HDAC9: variants seen among roughly 807,000 people sequenced by gnomAD.
The protein encoded by HDAC9 is MEF-2 interacting transcription repressor (MITR) protein.
A neutral mutation model predicts 139.4 loss-of-function variants in HDAC9; 41 were observed. The observed-to-expected ratio is 0.29, with a 90% CI of 0.23 to 0.38. The LOEUF is 0.38. Ranked by LOEUF, HDAC9 falls within the 10% of genes least tolerant of loss-of-function variation. The probability of loss-of-function intolerance (pLI) is 1.00; values close to 1 mark genes in which losing one functional copy is unlikely to be tolerated. For missense variants in HDAC9, 1,147 were observed against 1,297.0 expected, an observed-to-expected ratio of 0.88 and a Z score of 1.78; for synonymous variants, 517 against 476.2, an observed-to-expected ratio of 1.09 and a Z score of -1.12.
intron 24 of HDAC9, among the ~76,000 whole-genome samples, chr7:18,973,381 G>A (rs1377600620): frequency 1.3e-5 from 2 of 152,078 alleles, no homozygotes; most frequent in Admixed American, 6.6e-5. Context: ...CTAAAATAAC[G>A]TTTAATAATA....
intron 1 of HDAC9, among the ~76,000 whole-genome samples, chr7:18,443,804 G>T (rs191127744): frequency 2.7e-4 from 41 of 150,872 alleles, no homozygotes; most frequent in Non-Finnish European, 4.9e-4. Flanking sequence ...GTGTGTGTGT[G>T]TATATATATA....
chr7:18,515,695 A>G (rs1466508615), intron 2 of HDAC9, among the ~76,000 whole-genome samples: 1 of 152,256 alleles, frequency 6.6e-6, no homozygotes, highest in Admixed American at 6.5e-5. Flanking sequence ...AAATAAAAAT[A>G]CAATCCCTGA....
chr7:18,544,494 T>A (rs554481371), intron 2 of HDAC9, among the ~76,000 whole-genome samples: 3 of 152,270 alleles, frequency 2.0e-5, no homozygotes, highest in African/African-American at 7.2e-5. Context: ...AACAGAGATA[T>A]GTATTTGGGC....
intron 2 of HDAC9, among the ~76,000 whole-genome samples, chr7:18,174,940 C>A (rs540364983): frequency 2.6e-5 from 4 of 152,194 alleles, no homozygotes; most frequent in Non-Finnish European, 5.9e-5. Flanking sequence ...GCAGTCTGTC[C>A]GTTCTCCAAT....
intron 6 of HDAC9, among the ~76,000 whole-genome samples, chr7:18,610,022 A>G (rs1242644225): frequency 6.6e-6 from 1 of 152,120 alleles, no homozygotes; most frequent in Non-Finnish European, 1.5e-5. Flanking sequence ...AACTAGAAAT[A>G]CCATTTGACC....
intron 1 of HDAC9, among the ~76,000 whole-genome samples, chr7:18,408,471 A>T (rs1440595061): frequency 6.6e-6 from 1 of 152,212 alleles, no homozygotes; most frequent in Non-Finnish European, 1.5e-5. Flanking sequence ...TTTCCTTCTT[A>T]GGAGGCTAGT....
chr7:18,470,073 C>G (rs751389803), intron 1 of HDAC9, among the ~76,000 whole-genome samples: 2 of 152,080 alleles, frequency 1.3e-5, no homozygotes, highest in Non-Finnish European at 2.9e-5. Context: ...CATGGTGGCT[C>G]TCACTTGTAA....
At chr7:18,800,910 G>T (rs376891523) in intron 17 of HDAC9, among the ~76,000 whole-genome samples, 2 of 152,122 alleles carry the variant, frequency 1.3e-5, no homozygotes, top group East Asian at 3.9e-4. Flanking sequence ...TTTTTGAAAA[G>T]AATTTTAGTG....
At chr7:18,600,577 C>G (rs894376870) in intron 6 of HDAC9, among the ~76,000 whole-genome samples, 16 of 152,148 alleles carry the variant, frequency 1.1e-4, no homozygotes, top group African/African-American at 3.9e-4. Context: ...GCTCCTTTGT[C>G]AAAGATATAT....
intron 1 of HDAC9, among the ~76,000 whole-genome samples, chr7:18,446,856 C>T (rs946737333): frequency 6.6e-6 from 1 of 152,068 alleles, no homozygotes; most frequent in African/African-American, 2.4e-5. Flanking sequence ...TGTACATTAT[C>T]CACAATGTAA....
intron 12 of HDAC9, among the ~76,000 whole-genome samples, chr7:18,715,581 A>G (rs3852248): frequency 0.07 from 10,682 of 152,138 alleles, 1,188 homozygotes; most frequent in African/African-American, 0.24. Flanking sequence ...GTTTTCTTGG[A>G]ATGAGAGGGT....
intron 2 of HDAC9, among the ~76,000 whole-genome samples, chr7:18,561,243 C>G (rs1038473015): frequency 6.6e-6 from 1 of 152,126 alleles, no homozygotes; most frequent in Admixed American, 6.5e-5. Flanking sequence ...TTAAATGTAA[C>G]CTGAACGGCT....
At chr7:18,162,222 G>A (rs1299604673) in intron 1 of HDAC9, 2 of 972,930 alleles carry the variant, frequency 2.1e-6, no homozygotes, top group African/African-American at 1.6e-5. Flanking sequence ...TTTTTCTTAT[G>A]TTCTAGGTTT....
At chr7:18,711,000 T>C (rs986597082) in intron 12 of HDAC9, among the ~76,000 whole-genome samples, 4 of 152,224 alleles carry the variant, frequency 2.6e-5, no homozygotes, top group Non-Finnish European at 4.4e-5. Flanking sequence ...GATTTACTCA[T>C]CTTCTGAATA....
intron 1 of HDAC9, among the ~76,000 whole-genome samples, chr7:18,101,834 C>T (rs1782879234): frequency 6.6e-6 from 1 of 152,028 alleles, no homozygotes; most frequent in Non-Finnish European, 1.5e-5. Flanking sequence ...ATAAAAGATG[C>T]CACTATGGGA....
At chr7:18,547,361 G>T (rs990582939) in intron 2 of HDAC9, among the ~76,000 whole-genome samples, 1 of 152,028 alleles carries the variant, frequency 6.6e-6, no homozygotes, top group African/African-American at 2.4e-5. Context: ...TCAGCCTCCC[G>T]AGTAGCTGGG....
chr7:18,940,441 T>C (rs1035978892), intron 23 of HDAC9, among the ~76,000 whole-genome samples: 67 of 152,178 alleles, frequency 4.4e-4, no homozygotes, highest in African/African-American at 1.5e-3. Context: ...TTTTTTCTTT[T>C]TCTTGGCAAA....
intron 2 of HDAC9, among the ~76,000 whole-genome samples, chr7:18,170,238 A>G (rs905625982): frequency 3.9e-5 from 6 of 152,008 alleles, no homozygotes; most frequent in African/African-American, 1.2e-4. Flanking sequence ...TCGTGTGTCT[A>G]TTGGCTTCAT....
intron 12 of HDAC9, among the ~76,000 whole-genome samples, chr7:18,678,503 T>C (rs909315443): frequency 2.6e-5 from 4 of 151,866 alleles, no homozygotes; most frequent in African/African-American, 9.7e-5. Flanking sequence ...CAAGTTTCCA[T>C]ATTTTTTTCT....
Sources: gnomAD v4.1 joint callset for allele counts (sites outside exome capture counted in the v4.1 genomes callset) on GRCh38, gnomAD v4.1.1 for gene constraint, MANE v1.5 for transcripts, NCBI Gene and HGNC (gene_info 2026-07-23, HGNC 2026-07-21) for gene names.